Variants in AGK observed in about 807,000 individuals in gnomAD.
The protein encoded by AGK is acylglycerol kinase, mitochondrial.
In AGK, 52 loss-of-function variants were observed where a neutral mutation model predicts 66.4. The observed-to-expected ratio is 0.78, with a 90% CI of 0.63 to 0.99. AGK has a LOEUF of 0.99. Among genes scored for constraint, AGK ranks in the 50% least tolerant of loss-of-function variants. AGK has a pLI of 0.00. For synonymous variants in AGK, 182 were observed against 181.1 expected, an observed-to-expected ratio of 1.00 and a Z score of -0.04; for missense variants, 451 against 506.6, an observed-to-expected ratio of 0.89 and a Z score of 1.05.
intron 9 of AGK, among the ~76,000 whole-genome samples, chr7:141,633,398 C>T (rs1406861522): frequency 6.6e-6 from 1 of 152,130 alleles, no homozygotes; most frequent in Non-Finnish European, 1.5e-5. Context: ...AGCATTGGAC[C>T]AAATCCAAAT....
At chr7:141,561,449 A>T in intron 2 of AGK, among the ~76,000 whole-genome samples, 1 of 151,930 alleles carries the variant, frequency 6.6e-6, no homozygotes, top group East Asian at 1.9e-4. Flanking sequence ...TAATTTTTTA[A>T]TTGTGGCCAT....
chr7:141,628,580 C>T (rs1443283045), intron 9 of AGK, among the ~76,000 whole-genome samples: 1 of 152,126 alleles, frequency 6.6e-6, no homozygotes, highest in African/African-American at 2.4e-5. Flanking sequence ...TTCTTGGAAA[C>T]AATAATGCCT....
intron 2 of AGK, among the ~76,000 whole-genome samples, chr7:141,576,672 A>G (rs1252317906): frequency 6.6e-6 from 1 of 151,408 alleles, no homozygotes; most frequent in Non-Finnish European, 1.5e-5. Context: ...TGGAGAATCA[A>G]AGAATAAGAG....
At chr7:141,590,035 T>G (rs1358010929) in intron 2 of AGK, among the ~76,000 whole-genome samples, 1 of 152,218 alleles carries the variant, frequency 6.6e-6, no homozygotes, top group African/African-American at 2.4e-5. Context: ...TAATCAAAAT[T>G]AATAAACTCA....
intron 8 of AGK, among the ~76,000 whole-genome samples, chr7:141,619,455 T>C (rs1796777779): frequency 6.6e-6 from 1 of 152,090 alleles, no homozygotes; most frequent in South Asian, 2.1e-4. Context: ...AGACAGTTTT[T>C]TTCAACAAAC....
chr7:141,582,382 C>T (rs1051023316), intron 2 of AGK, among the ~76,000 whole-genome samples: 2 of 151,956 alleles, frequency 1.3e-5, no homozygotes, highest in Admixed American at 6.5e-5. Context: ...TTCAGAAATA[C>T]GTTGCTACTT....
rs190470932 is a variant in AGK, at chr7:141,591,323, C to G, written c.102-1823C>G. Among the ~76,000 whole-genome samples the G allele has an allele frequency of 1.7e-4, 26 of 152,126 alleles. No homozygotes were observed. In the East Asian group the frequency reaches 4.4e-3, roughly 26 times the overall value. On this transcript the variant is annotated intron_variant, in intron 2 of 15. Transcript: ENST00000649286. ...GGCCAGGCTGGTCACGAACTCCTGA[C>G]CTCAAGTGATCTGCCCACCTTGTCC...
chr7:141,605,764 T>C (rs747171487), intron 5 of AGK, among the ~76,000 whole-genome samples: 1 of 152,192 alleles, frequency 6.6e-6, no homozygotes, highest in Non-Finnish European at 1.5e-5. Flanking sequence ...TGCTCAGTTA[T>C]ACAATTAGTA....
intron 11 of AGK, among the ~76,000 whole-genome samples, chr7:141,639,469 G>A (rs778610047): frequency 6.6e-5 from 10 of 152,172 alleles, no homozygotes; most frequent in Admixed American, 1.3e-4. Flanking sequence ...ATCCAAGAGC[G>A]GGTAGAAGGG....
chr7:141,635,161 A>G (rs17520563), intron 10 of AGK, among the ~76,000 whole-genome samples: 3,298 of 152,290 alleles, frequency 0.022, 51 homozygotes, highest in Non-Finnish European at 0.035. Context: ...TTTTAGGACT[A>G]TTTTATATAC....
intron 2 of AGK, among the ~76,000 whole-genome samples, chr7:141,561,107 A>G (rs558607073): frequency 2.6e-5 from 4 of 152,144 alleles, no homozygotes; most frequent in African/African-American, 7.2e-5. Context: ...ATTTCAGTTT[A>G]TTTTATGGCT....
At chr7:141,560,795 CTTTTTTTTTTTT>C (rs71172604) in intron 2 of AGK, among the ~76,000 whole-genome samples, 1 of 124,012 alleles carries the variant, frequency 8.1e-6, no homozygotes, top group African/African-American at 3.0e-5. Context: ...GCCATTCTTT[CTTTTTTTTTTTT>C]TTTTTTTGAG....
intron 7 of AGK, among the ~76,000 whole-genome samples, chr7:141,614,380 T>C (rs1239671918): frequency 6.6e-6 from 1 of 152,136 alleles, no homozygotes; most frequent in African/African-American, 2.4e-5. Context: ...GTTTGGTAAT[T>C]GATGGTATCC....
intron 9 of AGK, among the ~76,000 whole-genome samples, chr7:141,632,455 T>C (rs1797080385): frequency 6.6e-6 from 1 of 152,316 alleles, no homozygotes; most frequent in East Asian, 1.9e-4. Context: ...TGTGAATTCT[T>C]TGGGATTCCT....
At chr7:141,552,467 G>T (rs752721222) in intron 1 of AGK, among the ~76,000 whole-genome samples, 7 of 152,204 alleles carry the variant, frequency 4.6e-5, no homozygotes, top group Non-Finnish European at 8.8e-5. Flanking sequence ...GTTAACAAGT[G>T]AAGATGACAG....
At chr7:141,616,762 C>CTT (rs577318723) in intron 8 of AGK, among the ~76,000 whole-genome samples, 2 of 140,232 alleles carry the variant, frequency 1.4e-5, no homozygotes, top group Non-Finnish European at 1.6e-5. Context: ...CTTTTTCTTT[C>CTT]TTTTTTTTTT....
At chr7:141,625,304 A>G (rs1463205938) in intron 9 of AGK, among the ~76,000 whole-genome samples, 1 of 152,150 alleles carries the variant, frequency 6.6e-6, no homozygotes, top group African/African-American at 2.4e-5. Flanking sequence ...ATTGCTCTCT[A>G]TCTCCTCTCA....
At chr7:141,560,762 A>G (rs146007653) in intron 2 of AGK, among the ~76,000 whole-genome samples, 2,616 of 146,670 alleles carry the variant, frequency 0.018, 77 homozygotes, top group African/African-American at 0.063. Flanking sequence ...ATGGTCTCCA[A>G]CTCCATCCAG....
At chr7:141,572,173 G>A (rs1384886891) in intron 2 of AGK, among the ~76,000 whole-genome samples, 1 of 152,184 alleles carries the variant, frequency 6.6e-6, no homozygotes, top group African/African-American at 2.4e-5. Flanking sequence ...AAATTTTTAA[G>A]GGAAGAGAAT....
Sources: gnomAD v4.1 joint callset for allele counts (sites outside exome capture counted in the v4.1 genomes callset) on GRCh38, gnomAD v4.1.1 for gene constraint, MANE v1.5 for transcripts, NCBI Gene and HGNC (gene_info 2026-07-23, HGNC 2026-07-21) for gene names.